INPP4B: variants seen among roughly 807,000 people sequenced by gnomAD.
INPP4B encodes inositol polyphosphate-4-phosphatase type II B.
INPP4B carries 55 observed loss-of-function variants against 122.5 expected under a neutral mutation model. The ratio of observed to expected loss-of-function variants is 0.45; its 90% CI spans 0.36 to 0.56. The LOEUF is 0.56. INPP4B is among the 20% of genes least tolerant of loss of function. The pLI is 0.00. For synonymous variants in INPP4B, 403 were observed against 388.7 expected, an observed-to-expected ratio of 1.04 and a Z score of -0.43; for missense variants, 1,000 against 1,097.7, an observed-to-expected ratio of 0.91 and a Z score of 1.26.
chr4:142,830,910 T>C (rs1208615293), intron 1 of INPP4B, among the ~76,000 whole-genome samples: 1 of 149,586 alleles, frequency 6.7e-6, no homozygotes, highest in Non-Finnish European at 1.5e-5. Flanking sequence ...TAGTCCCAGC[T>C]ACTAGGGAGG....
At position 142,254,405 on chromosome 4, in the gene INPP4B, C is replaced by T. The variant is rs534037295; in HGVS notation, c.688+6087G>A. On this transcript the variant is annotated intron_variant, in intron 11 of 25. Coordinates refer to ENST00000262992, the MANE Select transcript of INPP4B (RefSeq NM_001101669.3). The stretch of plus-strand genomic sequence containing the variant: ...AAGGCTTCAGATGATCAAATTACTC[C>T]GAGCTACGGGAGGACATTCAAACCA... 1.7e-3 allele frequency among the ~76,000 whole-genome samples: 247 copies of T among 143,678 alleles called. 1 individual carries two copies. The highest frequency in any genetic ancestry group is 5.3e-3 in the African/African-American group (212 of 39,748). The allele number at this position is 143,678 out of a possible 152,430, so 94.3% of individuals were successfully genotyped here.
intron 2 of INPP4B, among the ~76,000 whole-genome samples, chr4:142,600,310 T>C (rs563235392): frequency 2.0e-5 from 3 of 152,242 alleles, no homozygotes; most frequent in Admixed American, 6.5e-5. Flanking sequence ...CAGGAGAGAA[T>C]GGGAGGATAT....
intron 18 of INPP4B, among the ~76,000 whole-genome samples, chr4:142,134,132 G>T (rs997962603): frequency 6.6e-6 from 1 of 152,098 alleles, no homozygotes; most frequent in Non-Finnish European, 1.5e-5. Flanking sequence ...GCACATAGTA[G>T]ATAATTAAAA....
intron 7 of INPP4B, among the ~76,000 whole-genome samples, chr4:142,360,224 G>C (rs1311768423): frequency 1.3e-5 from 2 of 151,854 alleles, no homozygotes; most frequent in East Asian, 3.9e-4. Flanking sequence ...CAGTAATTAT[G>C]ATGAACCATT....
intron 2 of INPP4B, among the ~76,000 whole-genome samples, chr4:142,723,234 TC>T (rs1300529489): frequency 1.3e-5 from 2 of 152,042 alleles, no homozygotes; most frequent in Non-Finnish European, 2.9e-5. Flanking sequence ...TATTTCAATT[TC>T]CTCCAGAAAA....
chr4:142,153,490 T>C (rs1178945600), intron 17 of INPP4B, among the ~76,000 whole-genome samples: 3 of 152,210 alleles, frequency 2.0e-5, no homozygotes, highest in South Asian at 2.1e-4. Flanking sequence ...AGTTTGTATA[T>C]TCATTATACA....
intron 7 of INPP4B, among the ~76,000 whole-genome samples, chr4:142,373,192 A>G (rs1790542118): frequency 6.6e-6 from 1 of 151,996 alleles, no homozygotes; most frequent in Non-Finnish European, 1.5e-5. Flanking sequence ...CATAAATTCT[A>G]TTTTTGCATC....
At chr4:142,137,145 C>G (rs1459693205) in intron 18 of INPP4B, among the ~76,000 whole-genome samples, 2 of 152,148 alleles carry the variant, frequency 1.3e-5, no homozygotes, top group African/African-American at 2.4e-5. Flanking sequence ...TACTACAAGG[C>G]TACAGTGACC....
intron 17 of INPP4B, among the ~76,000 whole-genome samples, chr4:142,147,267 C>T (rs1250733268): frequency 6.6e-6 from 1 of 151,996 alleles, no homozygotes; most frequent in African/African-American, 2.4e-5. Context: ...ACTTTTTTTG[C>T]CAAAGCTAAT....
intron 14 of INPP4B, among the ~76,000 whole-genome samples, chr4:142,198,513 A>G (rs1839338810): frequency 6.7e-6 from 1 of 150,246 alleles, no homozygotes; most frequent in Non-Finnish European, 1.5e-5. Flanking sequence ...GCGTTCTCCC[A>G]TGCTTTTTCC....
intron 7 of INPP4B, among the ~76,000 whole-genome samples, chr4:142,383,121 C>A (rs1794777174): frequency 6.6e-6 from 1 of 152,050 alleles, no homozygotes; most frequent in Non-Finnish European, 1.5e-5. Flanking sequence ...GCCACTTTTG[C>A]TTTCCTGAAT....
intron 2 of INPP4B, among the ~76,000 whole-genome samples, chr4:142,567,839 G>T (rs1347752983): frequency 6.6e-6 from 1 of 151,852 alleles, no homozygotes; most frequent in Non-Finnish European, 1.5e-5. Flanking sequence ...TCCTGTAAAT[G>T]AATAAGAAAA....
chr4:142,152,373 CA>C (rs1193229096), intron 17 of INPP4B, among the ~76,000 whole-genome samples: 2 of 151,998 alleles, frequency 1.3e-5, no homozygotes, highest in Non-Finnish European at 2.9e-5. Context: ...CCGCACCCGG[CA>C]CTTTTTTTTC....
intron 7 of INPP4B, among the ~76,000 whole-genome samples, chr4:142,341,378 T>C (rs1234774985): frequency 1.3e-5 from 2 of 151,912 alleles, no homozygotes; most frequent in African/African-American, 2.4e-5. Flanking sequence ...AAAGTTATAT[T>C]TGCATTCTGT....
intron 2 of INPP4B, among the ~76,000 whole-genome samples, chr4:142,584,194 G>C (rs1735683087): frequency 6.6e-6 from 1 of 151,930 alleles, no homozygotes; most frequent in African/African-American, 2.4e-5. Context: ...AGCAGTTCTA[G>C]ATAGTCAGAA....
chr4:142,708,728 G>A (rs1762760227), intron 2 of INPP4B, among the ~76,000 whole-genome samples: 1 of 152,178 alleles, frequency 6.6e-6, no homozygotes. Flanking sequence ...TGCTGCTGGG[G>A]TGGACCCCTC....
chr4:142,151,733 G>A (rs1369350055), intron 17 of INPP4B, among the ~76,000 whole-genome samples: 3 of 152,178 alleles, frequency 2.0e-5, no homozygotes, highest in African/African-American at 7.2e-5. Flanking sequence ...CACATCTATA[G>A]TTGGGTAGAC....
intron 14 of INPP4B, among the ~76,000 whole-genome samples, chr4:142,207,278 A>G (rs1342892264): frequency 2.6e-5 from 4 of 152,164 alleles, no homozygotes; most frequent in Non-Finnish European, 5.9e-5. Context: ...TGAGATCCTG[A>G]TTTCAATTAT....
intron 2 of INPP4B, among the ~76,000 whole-genome samples, chr4:142,627,348 C>T (rs925054420): frequency 3.4e-5 from 5 of 148,524 alleles, no homozygotes; most frequent in Non-Finnish European, 7.4e-5. Context: ...AAAGGGAATG[C>T]TTCCAGTTTT....
Sources: allele counts gnomAD v4.1 joint callset (sites outside exome capture counted in the v4.1 genomes callset), GRCh38; gene constraint gnomAD v4.1.1; transcripts MANE v1.5; gene names NCBI Gene and HGNC (gene_info 2026-07-23, HGNC 2026-07-21).